The following CLDN18 variants were observed in gnomAD, a reference collection of about 807,000 sequenced individuals.
The protein encoded by CLDN18 is claudin-18.
CLDN18 carries 20 observed loss-of-function variants against 25.0 expected under a neutral mutation model. The ratio of observed to expected loss-of-function variants is 0.80; its 90% CI spans 0.56 to 1.16. The LOEUF (loss-of-function observed/expected upper bound fraction) is 1.16. CLDN18 is among the 50% of genes most tolerant of loss of function. The pLI, the probability that CLDN18 is intolerant of heterozygous loss-of-function variation, is 0.00. For missense variants in CLDN18, 297 were observed against 345.4 expected, an observed-to-expected ratio of 0.86 and a Z score of 1.11; for synonymous variants, 125 against 135.6, an observed-to-expected ratio of 0.92 and a Z score of 0.54.
At chr3:138,002,013 A>ATT in intron 1 of CLDN18, among the ~76,000 whole-genome samples, 1 of 150,556 alleles carries the variant, frequency 6.6e-6, no homozygotes, top group East Asian at 1.9e-4. Context: ...AAACAAGTGG[A>ATT]TTTTTTTTTT....
chr3:138,013,177 A>C (rs1429505835), intron 1 of CLDN18, among the ~76,000 whole-genome samples: 2 of 152,244 alleles, frequency 1.3e-5, no homozygotes, highest in African/African-American at 4.8e-5. Flanking sequence ...CAAAAAGGAC[A>C]GTAAATCATT....
chr3:138,002,315 T>C (rs879776052), intron 1 of CLDN18, among the ~76,000 whole-genome samples: 1 of 152,194 alleles, frequency 6.6e-6, no homozygotes, highest in Non-Finnish European at 1.5e-5. Context: ...AAAAAAAAGT[T>C]GTTTGGTGTG....
intron 2 of CLDN18, among the ~76,000 whole-genome samples, 153 bp downstream of exon 2, chr3:138,023,975 T>C (rs1942297415): frequency 6.6e-6 from 1 of 152,120 alleles, no homozygotes; most frequent in Admixed American, 6.5e-5. Flanking sequence ...TTGTGTATCA[T>C]GAGTACTAAG....
chr3:138,000,535 G>T (rs532181255), intron 1 of CLDN18, among the ~76,000 whole-genome samples: 5 of 151,624 alleles, frequency 3.3e-5, no homozygotes, highest in Admixed American at 2.0e-4. Context: ...TGGTTGTTTG[G>T]TTGGTTGGTT....
At chr3:138,015,118 T>G (rs1274387861) in intron 1 of CLDN18, among the ~76,000 whole-genome samples, 1 of 151,346 alleles carries the variant, frequency 6.6e-6, no homozygotes, top group Non-Finnish European at 1.5e-5. Context: ...GGCAACAAAG[T>G]GAAACTCCAT....
chr3:138,029,096 G>A (rs987178998), intron 3 of CLDN18, among the ~76,000 whole-genome samples: 6 of 152,154 alleles, frequency 3.9e-5, no homozygotes, highest in Admixed American at 6.5e-5. Flanking sequence ...ATGACTACTC[G>A]TTGGCCCATA....
intron 1 of CLDN18, chr3:138,004,797 T>C (rs148371508): frequency 2.1e-4 from 32 of 151,184 alleles, no homozygotes; most frequent in African/African-American, 7.5e-4. Context: ...TAATTTTAAA[T>C]ATTTTAAAAT....
rs958108764 is a variant in CLDN18, at chr3:138,003,826, T to A, written c.220+4738T>A. On this transcript the variant is annotated intron_variant, in intron 1 of 4. Coordinates refer to the CLDN18 transcript ENST00000343735. ...TGGAGAGACAGGAATAATAAAAAAA[T>A]TTTTTAAAGAAATTAATATATGCCT... Among the ~76,000 whole-genome samples, 42 of 152,226 alleles carry A rather than the reference T, an allele frequency of 2.8e-4. No individual in the cohort carries two copies. In the Middle Eastern group the frequency reaches 0.01, roughly 37 times the overall value.
chr3:137,998,892 C>A, exon 1 of CLDN18: 1 of 1,614,224 alleles, frequency 6.2e-7, no homozygotes, highest in South Asian at 1.1e-5. Context: ...CCTGTCAGGG[C>A]TTGGGGTTCG....
intron 1 of CLDN18, among the ~76,000 whole-genome samples, chr3:138,012,347 T>C (rs911959294): frequency 6.6e-6 from 1 of 152,130 alleles, no homozygotes; most frequent in Non-Finnish European, 1.5e-5. Context: ...CTCATCTCCT[T>C]AGACATTTCA....
Position 138,032,563 on chromosome 3 carries a change from A to G in CLDN18, c.*1422A>G, listed in dbSNP as rs1327012711. The stretch of plus-strand genomic sequence containing the variant: ...CAGGTATCCACATTTGCATGGTTAC[A>G]AGCCACTGCCAGTTAGCAGTAGCAC... On this transcript the variant is annotated 3_prime_UTR_variant, in exon 5 of 5. Coordinates refer to ENST00000183605, the MANE Select transcript of CLDN18 (RefSeq NM_016369.4). The G allele has an allele frequency of 6.6e-6, 1 of 151,612 alleles. No individual in the cohort carries two copies. Among genetic ancestry groups the G allele is most frequent in the Non-Finnish European group, 1.5e-5 (1 of 68,002 alleles). The allele number at this position is 151,612 out of a possible 1,614,324, so 9.4% of individuals were successfully genotyped here.
chr3:138,019,541 CT>C, intron 1 of CLDN18, among the ~76,000 whole-genome samples: 1 of 152,232 alleles, frequency 6.6e-6, no homozygotes, highest in African/African-American at 2.4e-5. Flanking sequence ...CCCACTTCCA[CT>C]TAGTGATGCC....
Position 138,010,249 on chromosome 3 carries a change from G to A in CLDN18, c.24G>A (p.Val8=), listed in dbSNP as rs1942117784. The A allele has an allele frequency of 6.2e-7, 1 of 1,613,540 alleles. No homozygotes were observed. Among genetic ancestry groups the A allele is most frequent in the South Asian group, 1.1e-5 (1 of 90,966 alleles). MSTTTCQ[V]VAFLLSILGL... ...TCATGTCCACCACCACATGCCAAGT[G>A]GTGGCGTTCCTCCTGTCCATCCTGG... The change falls in exon 1 of 5, where the codon GTG becomes GTA. Residue 8 remains valine (V), a synonymous_variant. Coordinates refer to ENST00000183605, the MANE Select transcript of CLDN18 (RefSeq NM_016369.4).
chr3:138,009,031 C>A (rs997149506), upstream of CLDN18, among the ~76,000 whole-genome samples: 4 of 152,222 alleles, frequency 2.6e-5, no homozygotes, highest in Non-Finnish European at 4.4e-5. Flanking sequence ...AAACATAACA[C>A]CTGATGTCTT....
chr3:138,017,414 CAG>C (rs1942219186), intron 1 of CLDN18, among the ~76,000 whole-genome samples: 1 of 152,094 alleles, frequency 6.6e-6, no homozygotes, highest in Admixed American at 6.5e-5. Flanking sequence ...TGGAGAGTTA[CAG>C]AGTTTCCTAT....
chr3:138,002,484 AG>A (rs1942029522), intron 1 of CLDN18, among the ~76,000 whole-genome samples: 2 of 152,194 alleles, frequency 1.3e-5, no homozygotes, highest in Non-Finnish European at 2.9e-5. Flanking sequence ...TCTGTTCATT[AG>A]CAGTTGAGGA....
In CLDN18 at chr3:138,010,390, G is replaced by A; in HGVS notation, c.165G>A (p.Arg55=). ...AAGGGCTCTGGAGGAGCTGCGTGAG[G>A]CAGAGTTCAGGCTTCACCGAATGCA... ...QYEGLWRSCV[R]QSSGFTECRP... Residue 55 remains arginine (R), a synonymous_variant, in exon 1 of 5, where the codon AGG becomes AGA. Coordinates refer to ENST00000183605, the MANE Select transcript of CLDN18 (RefSeq NM_016369.4). The A allele has an allele frequency of 1.9e-6, 3 of 1,614,246 alleles. No homozygotes were observed. The highest frequency in any genetic ancestry group is 2.5e-6 in the Non-Finnish European group (3 of 1,180,042).
intron 1 of CLDN18, among the ~76,000 whole-genome samples, chr3:138,019,911 A>G (rs888978999): frequency 1.3e-5 from 2 of 152,174 alleles, no homozygotes; most frequent in South Asian, 2.1e-4. Flanking sequence ...TTCATTGTTC[A>G]TTGGGAAGAA....
chr3:138,028,637 CA>C lies in CLDN18; in HGVS notation c.504-1159del, dbSNP rs1477441751. On this transcript the variant is annotated intron_variant, in intron 3 of 4. Coordinates refer to ENST00000183605, the MANE Select transcript of CLDN18 (RefSeq NM_016369.4). ...AGCCGGAAATCAAGTTATCAGCTGGCATTAAAATACGCACTGACATCCTAAT... is the reference window on the plus strand; with the variant it reads ...AGCCGGAAATCAAGTTATCAGCTGGCTTAAAATACGCACTGACATCCTAAT... Among the ~76,000 whole-genome samples the C allele has an allele frequency of 2.0e-5, 3 of 152,342 alleles. No homozygotes were observed. The South Asian group carries it at 6.2e-4, about 32-fold the overall frequency.
Sources: gnomAD v4.1 joint callset for allele counts (sites outside exome capture counted in the v4.1 genomes callset) on GRCh38, gnomAD v4.1.1 for gene constraint, MANE v1.5 for transcripts, NCBI Gene and HGNC (gene_info 2026-07-23, HGNC 2026-07-21) for gene names.